The following CDKAL1 variants were observed in gnomAD, a reference collection of about 807,000 sequenced individuals.
CDKAL1 encodes the protein CDKAL1 threonylcarbamoyladenosine tRNA methylthiotransferase, also known as threonylcarbamoyladenosine tRNA methylthiotransferase.
A neutral mutation model predicts 68.2 loss-of-function variants in CDKAL1; 32 were observed. That is an observed-to-expected ratio of 0.47 (90% CI 0.35 to 0.63). The LOEUF (loss-of-function observed/expected upper bound fraction) is 0.63, where lower values mean the gene tolerates loss of function less well. CDKAL1 is among the 30% of genes least tolerant of loss of function. The probability of loss-of-function intolerance (pLI) is 0.00; values close to 1 mark genes in which losing one functional copy is unlikely to be tolerated. For synonymous variants in CDKAL1, 234 were observed against 244.3 expected, an observed-to-expected ratio of 0.96 and a Z score of 0.39; for missense variants, 606 against 696.7, an observed-to-expected ratio of 0.87 and a Z score of 1.47.
chr6:21,046,523 C>T (rs564927760), intron 11 of CDKAL1, among the ~76,000 whole-genome samples: 2 of 152,352 alleles, frequency 1.3e-5, no homozygotes, highest in South Asian at 4.1e-4. Flanking sequence ...CTGTCCCAGG[C>T]AGTGCTCATG....
intron 9 of CDKAL1, among the ~76,000 whole-genome samples, chr6:20,883,807 C>G (rs1760938421): frequency 1.3e-5 from 2 of 152,040 alleles, no homozygotes; most frequent in African/African-American, 4.8e-5. Context: ...AATAACATGA[C>G]AGGAGGAAAC....
At chr6:20,908,565 GT>G (rs1412139857) in intron 9 of CDKAL1, among the ~76,000 whole-genome samples, 3 of 151,978 alleles carry the variant, frequency 2.0e-5, no homozygotes, top group Non-Finnish European at 4.4e-5. Context: ...TAAATATTTA[GT>G]TTTTTTATCT....
At chr6:20,662,126 C>G (rs978303589) in intron 5 of CDKAL1, among the ~76,000 whole-genome samples, 4 of 151,946 alleles carry the variant, frequency 2.6e-5, no homozygotes, top group African/African-American at 7.3e-5. Flanking sequence ...ATTGTTTGCT[C>G]TAAGAGTGAC....
In CDKAL1 at chr6:20,837,976, T is replaced by C. The variant is rs942791162; in HGVS notation, c.639-8099T>C. On this transcript the variant is annotated intron_variant, in intron 8 of 15. Coordinates refer to ENST00000274695, the MANE Select transcript of CDKAL1 (RefSeq NM_017774.3). ...GTGTGTGTGTGTGTGTGTGTGTGTGTGTGTGTATACTTCTATGTATATGAT... is the reference window on the plus strand; with the variant it reads ...GTGTGTGTGTGTGTGTGTGTGTGTGCGTGTGTATACTTCTATGTATATGAT... Among the ~76,000 whole-genome samples, 40 of 150,026 alleles carry C rather than the reference T, an allele frequency of 2.7e-4. 1 individual carries two copies. The highest frequency in any genetic ancestry group is 8.6e-4 in the African/African-American group (35 of 40,802).
intron 13 of CDKAL1, among the ~76,000 whole-genome samples, chr6:21,132,187 TG>T (rs1438515835): frequency 6.6e-6 from 1 of 152,138 alleles, no homozygotes; most frequent in Non-Finnish European, 1.5e-5. Context: ...AAGATCTCTT[TG>T]CACAAAAATG....
intron 4 of CDKAL1, among the ~76,000 whole-genome samples, chr6:20,620,373 G>T (rs561007822): frequency 6.6e-6 from 1 of 152,138 alleles, no homozygotes; most frequent in Non-Finnish European, 1.5e-5. Flanking sequence ...TTAAATGTTT[G>T]TGCCATTTGT....
At chr6:20,639,366 A>C (rs1193501852) in intron 4 of CDKAL1, among the ~76,000 whole-genome samples, 2 of 152,062 alleles carry the variant, frequency 1.3e-5, no homozygotes, top group Non-Finnish European at 2.9e-5. Context: ...CCACCACCAT[A>C]CAAAGGGCCA....
In CDKAL1 at chr6:21,230,774, T is replaced by C. The variant is rs376225234; in HGVS notation, c.1549-74T>C. ...AAAAGGCGGCACCTTCTGGAACCCA[T>C]TGCTTGATTGATATCACAACAGGGC... On this transcript the variant is annotated intron_variant, in intron 15 of 15. Transcript: ENST00000274695. 4.1e-4 allele frequency: 491 copies of C among 1,198,984 alleles called. 4 individuals are homozygous for C. In the South Asian group the frequency reaches 9.0e-3, roughly 22 times the overall value. 74.3% of individuals were successfully genotyped at this position (1,198,984 alleles called of 1,614,324 possible).
intron 9 of CDKAL1, among the ~76,000 whole-genome samples, chr6:20,868,206 G>GT (rs1317708863): frequency 6.6e-6 from 1 of 152,170 alleles, no homozygotes; most frequent in African/African-American, 2.4e-5. Context: ...TTTCTGCCGT[G>GT]TAGAAAAGGT....
chr6:20,791,787 A>G (rs1409074053), intron 8 of CDKAL1, among the ~76,000 whole-genome samples: 3 of 152,190 alleles, frequency 2.0e-5, no homozygotes, highest in Admixed American at 1.3e-4. Context: ...GCTAAATCAT[A>G]TAGAGATGTA....
intron 11 of CDKAL1, among the ~76,000 whole-genome samples, chr6:21,012,663 C>T (rs1193884511): frequency 1.3e-5 from 2 of 152,178 alleles, no homozygotes; most frequent in Non-Finnish European, 2.9e-5. Context: ...TCTGCGCAAG[C>T]ACTGAAGGAC....
At chr6:20,940,009 G>A (rs951076505) in intron 9 of CDKAL1, among the ~76,000 whole-genome samples, 10 of 152,168 alleles carry the variant, frequency 6.6e-5, no homozygotes, top group Admixed American at 2.0e-4. Flanking sequence ...GAGAATTAAG[G>A]ACTCAAAACT....
At chr6:20,924,097 T>C (rs1333778393) in intron 9 of CDKAL1, among the ~76,000 whole-genome samples, 2 of 149,146 alleles carry the variant, frequency 1.3e-5, no homozygotes, top group Non-Finnish European at 1.5e-5. Context: ...GGTCATGTTG[T>C]GAATGCAAAA....
At chr6:21,009,046 A>G (rs897296109) in intron 11 of CDKAL1, among the ~76,000 whole-genome samples, 6 of 152,240 alleles carry the variant, frequency 3.9e-5, no homozygotes, top group Non-Finnish European at 8.8e-5. Flanking sequence ...AGTGTAGTTT[A>G]CATGGTACTA....
At chr6:20,987,764 T>G (rs1766549770) in intron 10 of CDKAL1, among the ~76,000 whole-genome samples, 1 of 152,038 alleles carries the variant, frequency 6.6e-6, no homozygotes, top group Admixed American at 6.6e-5. Flanking sequence ...TTACTGCTCT[T>G]GACTATAGAC....
At chr6:20,541,870 G>T (rs1763402172) in intron 2 of CDKAL1, among the ~76,000 whole-genome samples, 1 of 152,216 alleles carries the variant, frequency 6.6e-6, no homozygotes, top group Non-Finnish European at 1.5e-5. Flanking sequence ...ATGTTGGTCA[G>T]GCTGGTCATG....
At chr6:20,912,441 C>G (rs12190631) in intron 9 of CDKAL1, among the ~76,000 whole-genome samples, 3,578 of 152,128 alleles carry the variant, frequency 0.024, 56 homozygotes, top group Non-Finnish European at 0.04. Context: ...GCCTTCAGTT[C>G]CTAAGCAAGG....
At chr6:21,159,858 T>C (rs1446427318) in intron 13 of CDKAL1, among the ~76,000 whole-genome samples, 1 of 152,188 alleles carries the variant, frequency 6.6e-6, no homozygotes, top group East Asian at 1.9e-4. Context: ...TCTCCATAGT[T>C]CCACCCAACC....
chr6:21,220,698 C>G (rs1334078805), intron 15 of CDKAL1, among the ~76,000 whole-genome samples: 6 of 152,130 alleles, frequency 3.9e-5, no homozygotes, highest in Non-Finnish European at 7.3e-5. Flanking sequence ...AAGATTAAGA[C>G]AGCTAAAAAT....
Sources: allele counts gnomAD v4.1 joint callset (sites outside exome capture counted in the v4.1 genomes callset), GRCh38; gene constraint gnomAD v4.1.1; transcripts MANE v1.5; gene names NCBI Gene and HGNC (gene_info 2026-07-23, HGNC 2026-07-21).